Variants in ADGRG6 observed in about 807,000 individuals in gnomAD.
The protein encoded by ADGRG6 is G-protein coupled receptor 126.
A neutral mutation model predicts 142.4 loss-of-function variants in ADGRG6; 84 were observed. The ratio of observed to expected loss-of-function variants is 0.59; its 90% CI spans 0.49 to 0.71. The LOEUF is 0.71. Among genes scored for constraint, ADGRG6 ranks in the 30% least tolerant of loss-of-function variants. The pLI, the probability that ADGRG6 is intolerant of heterozygous loss-of-function variation, is 0.00. For missense variants in ADGRG6, 1,367 were observed against 1,466.6 expected (o/e 0.93, Z 1.11); for synonymous variants, 521 against 520.5 (o/e 1.00, Z -0.01).
chr6:142,413,031 A>T (rs974397776), intron 18 of ADGRG6, among the ~76,000 whole-genome samples: 8 of 151,226 alleles, frequency 5.3e-5, no homozygotes, highest in Non-Finnish European at 8.9e-5. Flanking sequence ...ATGGTTAATT[A>T]TATATATATA....
At chr6:142,308,590 A>G (rs1306076036) in intron 1 of ADGRG6, among the ~76,000 whole-genome samples, 3 of 151,942 alleles carry the variant, frequency 2.0e-5, no homozygotes, top group Admixed American at 6.6e-5. Flanking sequence ...AGTCTCAGTT[A>G]CTACTTATAG....
At position 142,442,302 on chromosome 6, in the gene ADGRG6, T is replaced by G. The variant is rs138420372; in HGVS notation, c.3575-1035T>G. Among the ~76,000 whole-genome samples the G allele has an allele frequency of 3.3e-3, 501 of 152,244 alleles. 2 individuals carry two copies. Among genetic ancestry groups the G allele is most frequent in the Non-Finnish European group, 5.0e-3 (337 of 68,012 alleles). On this transcript the variant is annotated intron_variant, in intron 24 of 24. Transcript: ENST00000367609. ...CATATCTTCTTTATCAGTGTAAAAT[T>G]TCTATAATTTGGTTAATTTGAGGGT...
chr6:142,342,816 T>C (rs1433762401), intron 2 of ADGRG6, among the ~76,000 whole-genome samples: 1 of 152,030 alleles, frequency 6.6e-6, no homozygotes, highest in African/African-American at 2.4e-5. Context: ...TTTAGCTACT[T>C]AAAGGAGGAA....
At chr6:142,387,393 C>A (rs559258837) in intron 6 of ADGRG6, among the ~76,000 whole-genome samples, 1 of 152,328 alleles carries the variant, frequency 6.6e-6, no homozygotes, top group Non-Finnish European at 1.5e-5. Context: ...CAGTTTCTCA[C>A]ATACGTTTAG....
intron 6 of ADGRG6, among the ~76,000 whole-genome samples, chr6:142,384,702 T>G (rs1371689283): frequency 6.6e-6 from 1 of 152,100 alleles, no homozygotes; most frequent in African/African-American, 2.4e-5. Context: ...GTCATTTAGC[T>G]TATGAGGCCA....
chr6:142,335,186 A>G (rs918181331), intron 2 of ADGRG6, among the ~76,000 whole-genome samples: 4 of 152,204 alleles, frequency 2.6e-5, no homozygotes, highest in African/African-American at 9.6e-5. Context: ...GTGTTAAGTC[A>G]TGGGGAACCT....
At chr6:142,306,552 G>T (rs1244854100) in intron 1 of ADGRG6, among the ~76,000 whole-genome samples, 4 of 151,676 alleles carry the variant, frequency 2.6e-5, no homozygotes, top group Admixed American at 2.6e-4. Flanking sequence ...AAGATGATAG[G>T]TTTTTTTTGC....
intron 22 of ADGRG6, among the ~76,000 whole-genome samples, chr6:142,431,330 G>A (rs1298411650): frequency 6.6e-6 from 1 of 152,126 alleles, no homozygotes; most frequent in Non-Finnish European, 1.5e-5. Flanking sequence ...ATTCTCCAGA[G>A]TGGTAGTTTT....
intron 18 of ADGRG6, among the ~76,000 whole-genome samples, chr6:142,413,432 A>G (rs545370038): frequency 1.3e-5 from 2 of 152,278 alleles, no homozygotes; most frequent in East Asian, 1.9e-4. Flanking sequence ...CATATTGGCT[A>G]TATCATAAAA....
rs911835672 is a variant in ADGRG6 at position 142,397,732 on chromosome 6, A to G, written c.1544A>G (p.His515Arg). The G allele has an allele frequency of 6.3e-7, 1 of 1,590,372 alleles. No homozygotes were observed. The highest frequency in any genetic ancestry group is 2.3e-5 in the East Asian group (1 of 43,528). Reference protein sequence around the residue: ...NESLDEGLRLHTVNVRQLGHC... With the variant: ...NESLDEGLRLRTVNVRQLGHC... ...TCCTTGGATGAAGGCTTGAGGCTACATACAGTGAATGTGAGACAACTGGGT... is the reference window on the plus strand; with the variant it reads ...TCCTTGGATGAAGGCTTGAGGCTACGTACAGTGAATGTGAGACAACTGGGT... The change falls in exon 10 of 25, where the codon CAT (histidine) becomes CGT (arginine). Residue 515 changes from histidine to arginine, a missense_variant. This residue lies in a region of ADGRG6 where 737 missense variants were observed against 746.5 expected (regional missense o/e 0.99). Transcript: ENST00000367609.
chr6:142,371,323 C>T (rs1781242279), intron 4 of ADGRG6, among the ~76,000 whole-genome samples: 1 of 151,760 alleles, frequency 6.6e-6, no homozygotes, highest in Non-Finnish European at 1.5e-5. Context: ...CCACCACACC[C>T]AGCTAATTTT....
chr6:142,418,631 G>A (rs1371969239), intron 21 of ADGRG6, among the ~76,000 whole-genome samples: 1 of 152,092 alleles, frequency 6.6e-6, no homozygotes. Context: ...GTACCATTTA[G>A]TAAACTGCTA....
chr6:142,409,728 C>T (rs999054809), intron 16 of ADGRG6, 146 bp from the exon 17 acceptor site: 14 of 489,270 alleles, frequency 2.9e-5, no homozygotes, highest in Non-Finnish European at 4.1e-5. Flanking sequence ...GAAGATCCCC[C>T]TAAATTGCCT....
intron 3 of ADGRG6, 95 bp from the exon 4 acceptor site, chr6:142,370,075 C>A: frequency 2.0e-6 from 2 of 1,022,674 alleles, no homozygotes; most frequent in Non-Finnish European, 2.8e-6. Flanking sequence ...AAAAAGTTAA[C>A]TAGTAGAAAG....
intron 7 of ADGRG6, among the ~76,000 whole-genome samples, chr6:142,391,310 A>G (rs1455406310): frequency 2.0e-5 from 3 of 151,462 alleles, no homozygotes; most frequent in Non-Finnish European, 4.4e-5. Context: ...AGTTCAAACA[A>G]TTTTTTTAAT....
chr6:142,373,881 C>CT (rs769498618), intron 4 of ADGRG6, among the ~76,000 whole-genome samples: 4,876 of 93,802 alleles, frequency 0.052, 161 homozygotes, highest in African/African-American at 0.11. Flanking sequence ...TTTTTCTTTT[C>CT]TTTTTTTTTT....
chr6:142,424,049 A>G (rs7756420), intron 22 of ADGRG6, among the ~76,000 whole-genome samples: 13,512 of 61,852 alleles, frequency 0.22, 1,354 homozygotes, highest in African/African-American at 0.35. Flanking sequence ...GAAGTTGCTT[A>G]TCAGCTTAAG....
chr6:142,374,654 G>C (rs1242765779), intron 4 of ADGRG6, among the ~76,000 whole-genome samples: 1 of 152,112 alleles, frequency 6.6e-6, no homozygotes, highest in African/African-American at 2.4e-5. Flanking sequence ...CCCTTTATAC[G>C]GGCCAGGAAA....
chr6:142,367,337 A>G (rs1231693749), intron 2 of ADGRG6, among the ~76,000 whole-genome samples: 2 of 152,146 alleles, frequency 1.3e-5, no homozygotes, highest in East Asian at 3.8e-4. Flanking sequence ...ATAACCTCCC[A>G]AATTTAAGAA....
Sources: gnomAD v4.1 joint callset for allele counts (sites outside exome capture counted in the v4.1 genomes callset) on GRCh38, gnomAD v4.1.1 for gene constraint, gnomAD v4.1.1 regional missense constraint, MANE v1.5 for transcripts, NCBI Gene and HGNC (gene_info 2026-07-23, HGNC 2026-07-21) for gene names.